Variants in UBE3B observed in about 807,000 individuals in gnomAD.
UBE3B encodes the protein ubiquitin-protein ligase E3B.
In UBE3B, 80 loss-of-function variants were observed where a neutral mutation model predicts 132.3. The observed-to-expected ratio is 0.60, with a 90% CI of 0.50 to 0.73. The LOEUF is 0.73. Ranked by LOEUF, UBE3B falls within the 30% of genes least tolerant of loss-of-function variation. UBE3B has a pLI of 0.00. For synonymous variants in UBE3B, 487 were observed against 520.4 expected, an observed-to-expected ratio of 0.94 and a Z score of 0.87; for missense variants, 1,196 against 1,362.5, an observed-to-expected ratio of 0.88 and a Z score of 1.92.
chr12:109,530,431 G>A lies in UBE3B; in HGVS notation c.2811-116G>A, dbSNP rs1592973207. Reference sequence around the variant, plus strand: ...GAACTTCTGGCTTTAAGAGAAATTAGTAGTGTTCCCCAGGCCTGCCAGAGT... The same window carrying A: ...GAACTTCTGGCTTTAAGAGAAATTAATAGTGTTCCCCAGGCCTGCCAGAGT... On this transcript the variant is annotated intron_variant, in intron 25 of 27. Coordinates refer to ENST00000342494, the MANE Select transcript of UBE3B (RefSeq NM_130466.4). 6.3e-6 allele frequency: 5 copies of A among 794,384 alleles called. 1 individual carries two copies. The highest frequency in any genetic ancestry group is 8.2e-6 in the Non-Finnish European group (4 of 484,886). The allele number at this position is 794,384 out of a possible 1,614,324, so 49.2% of individuals were successfully genotyped here.
chr12:109,543,846 TG>T, the UBE3B span, among the ~76,000 whole-genome samples: 1 of 147,730 alleles, frequency 6.8e-6, no homozygotes, highest in Non-Finnish European at 1.5e-5. Context: ...AAAAAAAAAG[TG>T]GGGGGTAGCA....
intron 14 of UBE3B, among the ~76,000 whole-genome samples, chr12:109,504,250 C>T (rs1481424971): frequency 6.6e-6 from 1 of 152,180 alleles, no homozygotes; most frequent in Non-Finnish European, 1.5e-5. Flanking sequence ...CTCATAGATG[C>T]CAGTAGCACC....
chr12:109,483,067 T>G (rs891942824), intron 2 of UBE3B, among the ~76,000 whole-genome samples: 4 of 152,246 alleles, frequency 2.6e-5, no homozygotes, highest in South Asian at 4.1e-4. Flanking sequence ...AATAATCATG[T>G]TGGATTTTTC....
intron 9 of UBE3B, among the ~76,000 whole-genome samples, chr12:109,494,504 G>T (rs971661533): frequency 6.6e-6 from 1 of 152,082 alleles, no homozygotes. Context: ...CTCTCTGTTA[G>T]CAGGGACTGT....
the UBE3B span, among the ~76,000 whole-genome samples, chr12:109,543,761 C>T: frequency 6.6e-6 from 1 of 151,844 alleles, no homozygotes; most frequent in African/African-American, 2.4e-5. Context: ...TGAACCCGGG[C>T]GGCAGAAGGT....
chr12:109,531,546 C>T (rs563124554), intron 26 of UBE3B, among the ~76,000 whole-genome samples: 5 of 152,258 alleles, frequency 3.3e-5, no homozygotes, highest in African/African-American at 1.2e-4. Context: ...CATGTGGCCT[C>T]ATCTGTTGAG....
At chr12:109,501,100 G>A (rs1878927367) in intron 12 of UBE3B, among the ~76,000 whole-genome samples, 1 of 152,192 alleles carries the variant, frequency 6.6e-6, no homozygotes, top group South Asian at 2.1e-4. Context: ...TTGTCACCTG[G>A]GTGGTAGCAA....
chr12:109,511,301 A>C lies in UBE3B; in HGVS notation c.1954A>C (p.Asn652His), dbSNP rs781093271. Residue 652 changes from asparagine (N) to histidine (H), a missense_variant and splice_region_variant, in exon 18 of 28, where the codon AAC becomes CAC. Asn to His is a moderately conservative substitution (Grantham distance 68). Coordinates refer to ENST00000342494, the MANE Select transcript of UBE3B (RefSeq NM_130466.4). ...CATCCCACATGTCATCCCTCACAAAAACGTGAGTTGCACTCAGAGCTGGGC... is the reference window on the plus strand; with the variant it reads ...CATCCCACATGTCATCCCTCACAAACACGTGAGTTGCACTCAGAGCTGGGC... ...QYIPHVIPHK[N>H]RVLLFRTMVT... 8.1e-6 allele frequency: 13 copies of C among 1,613,690 alleles called. No homozygotes were observed. The South Asian group carries it at 1.4e-4, about 18-fold the overall frequency.
chr12:109,501,170 G>A (rs1878935878), intron 12 of UBE3B, among the ~76,000 whole-genome samples: 1 of 152,198 alleles, frequency 6.6e-6, no homozygotes. Context: ...CAGACAAGAT[G>A]AAGAGTCAAT....
At chr12:109,488,019 G>A (rs1191350204) in intron 6 of UBE3B, among the ~76,000 whole-genome samples, 1 of 152,220 alleles carries the variant, frequency 6.6e-6, no homozygotes, top group East Asian at 1.9e-4. Context: ...AACATTACAT[G>A]GAGTTATCTA....
intron 9 of UBE3B, among the ~76,000 whole-genome samples, chr12:109,494,780 C>T (rs35691047): frequency 0.17 from 25,721 of 151,810 alleles, 2,229 homozygotes; most frequent in African/African-American, 0.18. Flanking sequence ...TCACACCCCT[C>T]CAAACATTGA....
chr12:109,518,424 T>C (rs1464297050), intron 19 of UBE3B, among the ~76,000 whole-genome samples: 1 of 152,228 alleles, frequency 6.6e-6, no homozygotes, highest in Non-Finnish European at 1.5e-5. Flanking sequence ...GCCTAGAAAG[T>C]CAGATAACAC....
chr12:109,526,336 T>C, intron 23 of UBE3B, 22 bp from the exon 24 acceptor site: 2 of 1,612,062 alleles, frequency 1.2e-6, no homozygotes, highest in South Asian at 2.2e-5. Context: ...TCCCTATTAA[T>C]TACTCCCATC....
At chr12:109,483,815 A>G (rs1251243035) in intron 3 of UBE3B, 46 bp from the exon 4 acceptor site, 1 of 1,598,856 alleles carries the variant, frequency 6.3e-7, no homozygotes, top group African/African-American at 1.3e-5. Context: ...TCCAGGTGCT[A>G]CAAGCTGTTA....
At chr12:109,527,899 C>T (rs1000225046) in intron 24 of UBE3B, among the ~76,000 whole-genome samples, 5 of 152,278 alleles carry the variant, frequency 3.3e-5, no homozygotes, top group East Asian at 1.9e-4. Context: ...AGATGGGTGA[C>T]GTGTCACATG....
rs1329074444 is a variant in UBE3B at position 109,485,993 on chromosome 12, C to A, written c.283-19C>A. The stretch of plus-strand genomic sequence containing the variant: ...GATGGATTGTGGGAATGTATAACCC[C>A]CAGTGTGTCTCTTTGCAGAGATTTG... On this transcript the variant is annotated intron_variant, in intron 4 of 27. Transcript: ENST00000342494. 13 of 1,552,256 alleles carry A rather than the reference C, an allele frequency of 8.4e-6. No homozygotes were observed. Among genetic ancestry groups the A allele is most frequent in the Non-Finnish European group, 1.1e-5 (13 of 1,147,268 alleles).
chr12:109,516,884 G>C lies in UBE3B; in HGVS notation c.2076G>C (p.Glu692Asp), dbSNP rs1373757629. Residue 692 changes from glutamate to aspartate, a missense_variant and splice_region_variant, in exon 19 of 28, where the codon GAG becomes GAC. Glu to Asp is a conservative substitution (Grantham distance 45). Transcript: ENST00000342494. ...CCATCCGCCGGTCCAGGATGCTGGA[G>C]GTGAGTGTGAAGCCTATGGAATCCT... The part of the protein sequence containing the change: ...HITIRRSRML[E>D]DGYEQLRQLS... The C allele has an allele frequency of 6.2e-7, 1 of 1,613,754 alleles. No individual in the cohort carries two copies. Among genetic ancestry groups the C allele is most frequent in the Non-Finnish European group, 8.5e-7 (1 of 1,179,936 alleles).
intron 24 of UBE3B, 62 bp downstream of exon 24, chr12:109,526,478 C>T (rs978107666): frequency 1.4e-5 from 21 of 1,508,528 alleles, no homozygotes; most frequent in Middle Eastern, 1.7e-4. Flanking sequence ...TGGCTCTCTG[C>T]GCTTATGTTG....
intron 26 of UBE3B, among the ~76,000 whole-genome samples, chr12:109,532,435 G>A (rs1883028284): frequency 6.6e-6 from 1 of 152,112 alleles, no homozygotes; most frequent in South Asian, 2.1e-4. Flanking sequence ...GTCTTTGGAT[G>A]GTCTCAGGAA....
Sources: gnomAD v4.1 joint callset for allele counts (sites outside exome capture counted in the v4.1 genomes callset) on GRCh38, gnomAD v4.1.1 for gene constraint, MANE v1.5 for transcripts, NCBI Gene and HGNC (gene_info 2026-07-23, HGNC 2026-07-21) for gene names.